Variants in ZNF629 observed in about 807,000 individuals in gnomAD.
The protein encoded by ZNF629 is zinc finger protein 629.
In ZNF629, 9 loss-of-function variants were observed where a neutral mutation model predicts 59.7. The ratio of observed to expected loss-of-function variants is 0.15; its 90% CI spans 0.09 to 0.26. The LOEUF (loss-of-function observed/expected upper bound fraction) is 0.26, where lower values mean the gene tolerates loss of function less well. Ranked by LOEUF, ZNF629 falls within the 10% of genes least tolerant of loss-of-function variation. The probability of loss-of-function intolerance (pLI) is 1.00; values close to 1 mark genes in which losing one functional copy is unlikely to be tolerated. For synonymous variants in ZNF629, 509 were observed against 498.9 expected, an observed-to-expected ratio of 1.02 and a Z score of -0.27; for missense variants, 853 against 1,165.4, an observed-to-expected ratio of 0.73 and a Z score of 3.90.
In ZNF629 at chr16:30,782,489, C is replaced by G. The variant is rs1210472671; in HGVS notation, c.1839G>C (p.Gln613His). The change falls in exon 3 of 3, where the codon CAG becomes CAC. Residue 613 changes from glutamine (Q) to histidine (H), a missense_variant. Gln to His is a conservative substitution (Grantham distance 24). Around this residue, in one of 3 missense-constraint regions of ZNF629, gnomAD observed 420 missense variants for 435.6 expected, o/e 0.96. Coordinates refer to ENST00000262525, the MANE Select transcript of ZNF629 (RefSeq NM_001080417.3). ...LIAHAAPKPP[Q>H]LRSPRLPFRG... Reference sequence around the variant, plus strand: ...TGAAAGGGAGCCTTGGGGATCGTAACTGAGGAGGTTTGGGGGCTGCGTGTG... The same window carrying G: ...TGAAAGGGAGCCTTGGGGATCGTAAGTGAGGAGGTTTGGGGGCTGCGTGTG... The G allele has an allele frequency of 6.4e-7, 1 of 1,567,170 alleles. No homozygotes were observed. Among genetic ancestry groups the G allele is most frequent in the Admixed American group, 1.9e-5 (1 of 52,704 alleles).
At position 30,783,385 on chromosome 16, in the gene ZNF629, C is replaced by T. The variant is rs763523527; in HGVS notation, c.943G>A (p.Glu315Lys). 4 of 1,613,340 alleles carry T rather than the reference C, an allele frequency of 2.5e-6. No homozygotes were observed. The highest frequency in any genetic ancestry group is 4.5e-5 in the East Asian group (2 of 44,802). Residue 315 changes from glutamate to lysine, a missense_variant, in exon 3 of 3, where the codon GAG becomes AAG. Transcript: ENST00000262525. Reference protein sequence around the residue: ...LLKHQKIHAGEKPYRCTECGK... With the variant: ...LLKHQKIHAGKKPYRCTECGK... Reference sequence around the variant, plus strand: ...CACTCGGTGCAGCGGTATGGCTTCTCGCCCGCGTGGATCTTCTGGTGCTTG... The same window carrying T: ...CACTCGGTGCAGCGGTATGGCTTCTTGCCCGCGTGGATCTTCTGGTGCTTG...
chr16:30,778,740 C>G lies in ZNF629; in HGVS notation c.*2978G>C, dbSNP rs2054256057. The G allele has an allele frequency of 6.6e-6, 1 of 152,488 alleles. No individual in the cohort carries two copies. Among genetic ancestry groups the G allele is most frequent in the Non-Finnish European group, 1.5e-5 (1 of 68,246 alleles). The allele number at this position is 152,488 out of a possible 1,614,324, so 9.4% of individuals were successfully genotyped here. ...CTGACCTCCATGTCCATAGCAGTTT[C>G]AAGTTTCACTCTAAGCTCTCCCCTC... On this transcript the variant is annotated 3_prime_UTR_variant, in exon 3 of 3. Transcript: ENST00000262525.
Position 30,782,623 on chromosome 16 carries a change from G to A in ZNF629, c.1705C>T (p.His569Tyr), listed in dbSNP as rs776935636. 1 of 1,570,050 alleles carries A rather than the reference G, an allele frequency of 6.4e-7. No homozygotes were observed. The part of the protein sequence containing the change: ...LLTPPPGAKP[H>Y]KCLVCGKGFN... ...CCCTTTCCGCACACGAGACACTTGT[G>A]CGGCTTGGCTCCCGGCGGCGGGGTC... Residue 569 changes from histidine to tyrosine, a missense_variant, in exon 3 of 3, where the codon CAC becomes TAC. Physicochemically the swap from His to Tyr is moderately conservative, Grantham distance 83. Coordinates refer to ENST00000262525, the MANE Select transcript of ZNF629 (RefSeq NM_001080417.3).
intron 1 of ZNF629, among the ~76,000 whole-genome samples, chr16:30,785,440 G>A (rs1307657337): frequency 1.3e-5 from 2 of 152,182 alleles, no homozygotes; most frequent in African/African-American, 4.8e-5. Flanking sequence ...TGAGACTCAT[G>A]CTCATGGGAG....
intron 1 of ZNF629, among the ~76,000 whole-genome samples, chr16:30,785,946 T>C (rs951991605): frequency 3.3e-5 from 5 of 151,948 alleles, no homozygotes; most frequent in Non-Finnish European, 4.4e-5. Context: ...GATGAGGGAA[T>C]GGGGCCACAG....
At position 30,784,494 on chromosome 16, in the gene ZNF629, G is replaced by A. The variant is rs1215801419; in HGVS notation, c.-12C>T. ...GTCTCGGGCTCCATCCCAGAGCTCA[G>A]GACTGCAGTGTTCCAGGGACCCTGC... On this transcript the variant is annotated 5_prime_UTR_variant, in exon 2 of 3. Transcript: ENST00000262525. 6 of 1,538,918 alleles carry A rather than the reference G, an allele frequency of 3.9e-6. 1 individual carries two copies. The South Asian group carries it at 7.2e-5, about 18-fold the overall frequency.
In ZNF629 at chr16:30,782,117, T is replaced by C; in HGVS notation, c.2211A>G (p.Ala737=). Residue 737 remains alanine, a synonymous_variant, in exon 3 of 3, where the codon GCA becomes GCG. Transcript: ENST00000262525. The stretch of plus-strand genomic sequence containing the variant: ...GACTCTTCTGGGAGCTCTTCCCGCC[T>C]GCATGGACTTTCTGGTGCAGCAGCA... ...SELLLHQKVH[A]GGKSSQKSPE... 1 of 1,609,768 alleles carries C rather than the reference T, an allele frequency of 6.2e-7. No homozygotes were observed. The highest frequency in any genetic ancestry group is 2.2e-5 in the East Asian group (1 of 44,858).
At position 30,780,802 on chromosome 16, in the gene ZNF629, T is replaced by C. The variant is rs1488695877; in HGVS notation, c.*916A>G. ...GGGGCCTGGAGTTAGCTGGGTTCCA[T>C]GTGAGCAGTTTCCCCACCTTGGTTT... On this transcript the variant is annotated 3_prime_UTR_variant, in exon 3 of 3. Transcript: ENST00000262525. The C allele has an allele frequency of 6.6e-6, 1 of 152,210 alleles. No individual in the cohort carries two copies. The highest frequency in any genetic ancestry group is 1.5e-5 in the Non-Finnish European group (1 of 68,040). The allele number at this position is 152,210 out of a possible 1,614,324, so 9.4% of individuals were successfully genotyped here.
In ZNF629 at chr16:30,782,264, C is replaced by T. The variant is rs1162758773; in HGVS notation, c.2064G>A (p.Lys688=). The change falls in exon 3 of 3, where the codon AAG becomes AAA. Residue 688 remains lysine (K), a synonymous_variant. Transcript: ENST00000262525. ...LQHQLTHGNE[K]PFLFPDYRIG... Reference sequence around the variant, plus strand: ...TTCTATAATCAGGAAAGAGAAAGGGCTTTTCGTTGCCGTGGGTGAGCTGAT... The same window carrying T: ...TTCTATAATCAGGAAAGAGAAAGGGTTTTTCGTTGCCGTGGGTGAGCTGAT... The T allele has an allele frequency of 1.9e-6, 3 of 1,613,258 alleles. No homozygotes were observed. Among genetic ancestry groups the T allele is most frequent in the Non-Finnish European group, 2.5e-6 (3 of 1,179,548 alleles).
At chr16:30,785,665 C>CT (rs1055079259) in intron 1 of ZNF629, among the ~76,000 whole-genome samples, 61 of 152,030 alleles carry the variant, frequency 4.0e-4, no homozygotes, top group Non-Finnish European at 7.3e-4. Context: ...CCTTCTACTC[C>CT]TTTTGTCCTG....
chr16:30,784,330 G>T (rs1297352846), intron 2 of ZNF629, 76 bp from the exon 3 acceptor site: 7 of 1,547,296 alleles, frequency 4.5e-6, no homozygotes, highest in Non-Finnish European at 6.1e-6. Flanking sequence ...CCTCCCCCGG[G>T]TGTCCCCCAG....
Position 30,782,926 on chromosome 16 carries a change from T to C in ZNF629, c.1402A>G (p.Ile468Val). 1 of 1,613,030 alleles carries C rather than the reference T, an allele frequency of 6.2e-7. No homozygotes were observed. Among genetic ancestry groups the C allele is most frequent in the Non-Finnish European group, 8.5e-7 (1 of 1,179,798 alleles). The stretch of plus-strand genomic sequence containing the variant: ...TGCTGGATAAGGTGGGAGCTGCGGA[T>C]GAAGCTCTTGCCGCAGTCGGAACAC... ...YKCSDCGKSF[I>V]RSSHLIQHRR... The change falls in exon 3 of 3, where the codon ATC (isoleucine) becomes GTC (valine). Residue 468 changes from isoleucine to valine, a missense_variant. This residue lies in a region of ZNF629 where 201 missense variants were observed against 536.5 expected (regional missense o/e 0.37). Transcript: ENST00000262525.
chr16:30,784,037 C>T lies in ZNF629; in HGVS notation c.291G>A (p.Pro97=), dbSNP rs1001998718. Residue 97 remains proline, a synonymous_variant, in exon 3 of 3, where the codon CCG becomes CCA. Coordinates refer to ENST00000262525, the MANE Select transcript of ZNF629 (RefSeq NM_001080417.3). Reference sequence around the variant, plus strand: ...AGTCAGATGGGGTAGGGACTACCTCCGGGGCTGGGGGGTCCAGGGGGATCT... The same window carrying T: ...AGTCAGATGGGGTAGGGACTACCTCTGGGGCTGGGGGGTCCAGGGGGATCT... ...DHQIPLDPPA[P]EVVPTPSDWT... is the part of the protein sequence containing the mutation. The T allele has an allele frequency of 2.8e-6, 4 of 1,423,978 alleles. No homozygotes were observed. The highest frequency in any genetic ancestry group is 3.1e-5 in the East Asian group (1 of 32,262). 88.2% of individuals were successfully genotyped at this position (1,423,978 alleles called of 1,614,324 possible). A position where few individuals can be genotyped will look rare whatever the true frequency, so the allele number is the denominator to read the frequency against.
Position 30,786,839 on chromosome 16 carries a change from C to A in ZNF629, c.-34+189G>T, listed in dbSNP as rs1380778732. On this transcript the variant is annotated intron_variant, in intron 1 of 2. Coordinates refer to ENST00000262525, the MANE Select transcript of ZNF629 (RefSeq NM_001080417.3). The surrounding 1 kb of genome is among the most constrained non-coding windows in gnomAD (Gnocchi z 4.8). ...CCAGGCTCCCCTCCCCCGCCACCGA[C>A]CCCCGCGCTTCCCAGAATCCTCGGC... 1.3e-5 allele frequency among the ~76,000 whole-genome samples: 2 copies of A among 151,782 alleles called. No homozygotes were observed. Among genetic ancestry groups the A allele is most frequent in the Admixed American group, 1.3e-4 (2 of 15,264 alleles).
In ZNF629 at chr16:30,781,888, C is replaced by G; in HGVS notation, c.2440G>C (p.Gly814Arg). The G allele has an allele frequency of 6.4e-7, 1 of 1,551,988 alleles. No individual in the cohort carries two copies. The highest frequency in any genetic ancestry group is 1.2e-5 in the South Asian group (1 of 82,312). The change falls in exon 3 of 3, where the codon GGT (glycine) becomes CGT (arginine). Residue 814 changes from glycine (G) to arginine (R), a missense_variant. This residue lies in a region of ZNF629 where 420 missense variants were observed against 435.6 expected (regional missense o/e 0.96). Coordinates refer to ENST00000262525, the MANE Select transcript of ZNF629 (RefSeq NM_001080417.3). ...EAVTLSTDQE[G>R]EGETPTPTES... ...GTGGGGGTAGGGGTCTCGCCCTCACCTTCCTGATCTGTGGACAGGGTGACT... is the reference window on the plus strand; with the variant it reads ...GTGGGGGTAGGGGTCTCGCCCTCACGTTCCTGATCTGTGGACAGGGTGACT...
intron 1 of ZNF629, 21 bp from the exon 2 acceptor site, chr16:30,784,536 G>T: frequency 6.7e-7 from 1 of 1,484,936 alleles, no homozygotes. Flanking sequence ...AGACAGCGAT[G>T]AGCGCACACT....
chr16:30,779,004 G>C lies in ZNF629; in HGVS notation c.*2714C>G, dbSNP rs2054258374. ...CCTCCCAAGACGTAGCTCACTCTGG[G>C]AGGGAAGCTCCTGGTTAAAGGAGCT... On this transcript the variant is annotated 3_prime_UTR_variant, in exon 3 of 3. Transcript: ENST00000262525. 1 of 152,254 alleles carries C rather than the reference G, an allele frequency of 6.6e-6. No individual in the cohort carries two copies. The highest frequency in any genetic ancestry group is 1.5e-5 in the Non-Finnish European group (1 of 68,100). 9.4% of individuals were successfully genotyped at this position (152,254 alleles called of 1,614,324 possible). A position where few individuals can be genotyped will look rare whatever the true frequency, so the allele number is the denominator to read the frequency against.
chr16:30,782,467 A>G lies in ZNF629; in HGVS notation c.1861T>C (p.Phe621Leu). ...GCCCCGGGGTAGGAATTCCCTCTGA[A>G]AGGGAGCCTTGGGGATCGTAACTGA... is the stretch of plus-strand genomic sequence containing the variant. The part of the protein sequence containing the change: ...PPQLRSPRLP[F>L]RGNSYPGAAE... The change falls in exon 3 of 3, where the codon TTC (phenylalanine) becomes CTC (leucine). Residue 621 changes from phenylalanine (F) to leucine (L), a missense_variant. By Grantham distance (22) the Phe-to-Leu change is conservative. Around this residue, in one of 3 missense-constraint regions of ZNF629, gnomAD observed 420 missense variants for 435.6 expected, o/e 0.96. Transcript: ENST00000262525. The G allele has an allele frequency of 6.4e-7, 1 of 1,568,148 alleles. No individual in the cohort carries two copies. The highest frequency in any genetic ancestry group is 8.6e-7 in the Non-Finnish European group (1 of 1,156,076).
chr16:30,784,102 G>T lies in ZNF629; in HGVS notation c.226C>A (p.Pro76Thr), dbSNP rs1398819762. The change falls in exon 3 of 3, where the codon CCC (proline) becomes ACC (threonine). Residue 76 changes from proline to threonine, a missense_variant. Physicochemically the swap from Pro to Thr is conservative, Grantham distance 38 (BLOSUM62 -1). This residue lies in a region of ZNF629 where 232 missense variants were observed against 193.4 expected (regional missense o/e 1.20). Transcript: ENST00000262525. ...TTGGAGTGACCCAGTGGGGTTGGGG[G>T]GTTCTGGGGGACAGAGGGGTCCTGG... is the stretch of plus-strand genomic sequence containing the variant. ...SSQDPSVPQN[P>T]PTPLGHSNPL... The T allele has an allele frequency of 6.2e-7, 1 of 1,606,294 alleles. No homozygotes were observed. The highest frequency in any genetic ancestry group is 2.2e-5 in the East Asian group (1 of 44,798).
Sources: allele counts gnomAD v4.1 joint callset (sites outside exome capture counted in the v4.1 genomes callset), GRCh38; gene constraint gnomAD v4.1.1; regional missense constraint gnomAD v4.1.1; non-coding constraint Gnocchi (gnomAD v3.1); transcripts MANE v1.5; gene names NCBI Gene and HGNC (gene_info 2026-07-23, HGNC 2026-07-21).